ARHGAP28: variants seen among roughly 807,000 people sequenced by gnomAD.
ARHGAP28 encodes Rho GTPase activating protein 28.
Under a neutral mutation model 90.7 loss-of-function variants are expected in ARHGAP28, and 56 were observed. The observed-to-expected ratio is 0.62, with a 90% CI of 0.50 to 0.77. The LOEUF (loss-of-function observed/expected upper bound fraction) is 0.77. Among genes scored for constraint, ARHGAP28 ranks in the 30% least tolerant of loss-of-function variants. The pLI, the probability that ARHGAP28 is intolerant of heterozygous loss-of-function variation, is 0.00. For synonymous variants in ARHGAP28, 308 were observed against 323.3 expected, an observed-to-expected ratio of 0.95 and a Z score of 0.51; for missense variants, 869 against 900.9, an observed-to-expected ratio of 0.96 and a Z score of 0.45.
chr18:6,731,291 CGTGT>C (rs60399521), intron 1 of ARHGAP28, among the ~76,000 whole-genome samples: 1,720 of 149,564 alleles, frequency 0.012, 46 homozygotes, highest in African/African-American at 0.04. Flanking sequence ...TATATGTGTG[CGTGT>C]GTGTGTGTGT....
chr18:6,887,299 C>T (rs1391357452), intron 12 of ARHGAP28, 60 bp downstream of exon 12: 30 of 1,508,748 alleles, frequency 2.0e-5, no homozygotes, highest in African/African-American at 2.7e-5. Context: ...GGACATGGCT[C>T]ATATAGGAAA....
chr18:6,879,876 A>G (rs541984956), intron 10 of ARHGAP28, among the ~76,000 whole-genome samples: 12 of 152,306 alleles, frequency 7.9e-5, no homozygotes, highest in Middle Eastern at 6.8e-3. Flanking sequence ...ACCATAACCT[A>G]GTCAGTTGCT....
At chr18:6,813,136 A>G (rs986170401) in intron 1 of ARHGAP28, among the ~76,000 whole-genome samples, 1 of 152,232 alleles carries the variant, frequency 6.6e-6, no homozygotes, top group Admixed American at 6.5e-5. Flanking sequence ...GTCTCTACCT[A>G]CCACAGGGAA....
chr18:6,906,748 A>T (rs1221436158), intron 16 of ARHGAP28, among the ~76,000 whole-genome samples: 1 of 152,204 alleles, frequency 6.6e-6, no homozygotes. Flanking sequence ...GACATAAAAA[A>T]TGTGACCCAT....
intron 1 of ARHGAP28, among the ~76,000 whole-genome samples, chr18:6,745,661 C>G (rs751552140): frequency 6.6e-6 from 1 of 152,188 alleles, no homozygotes; most frequent in Non-Finnish European, 1.5e-5. Flanking sequence ...CAACCCGTTT[C>G]TGACTTCTGT....
At chr18:6,908,573 A>G (rs1416370119) in intron 16 of ARHGAP28, among the ~76,000 whole-genome samples, 1 of 152,194 alleles carries the variant, frequency 6.6e-6, no homozygotes. Flanking sequence ...CAGAAATAAA[A>G]CCTGACTTCT....
At chr18:6,906,558 G>A (rs753905493) in intron 16 of ARHGAP28, among the ~76,000 whole-genome samples, 93 of 152,138 alleles carry the variant, frequency 6.1e-4, no homozygotes, top group Non-Finnish European at 6.6e-4. Context: ...TGGTGTTGTA[G>A]CAATGGACAT....
intron 1 of ARHGAP28, among the ~76,000 whole-genome samples, chr18:6,805,396 G>T (rs1188921909): frequency 6.7e-6 from 1 of 149,218 alleles, no homozygotes; most frequent in Non-Finnish European, 1.5e-5. Context: ...GCATGGCATG[G>T]TTTTTTTATC....
At chr18:6,849,710 C>T (rs1366990082) in intron 3 of ARHGAP28, among the ~76,000 whole-genome samples, 1 of 152,116 alleles carries the variant, frequency 6.6e-6, no homozygotes, top group African/African-American at 2.4e-5. Flanking sequence ...AAGTCTGATG[C>T]CTCCCTAAAA....
intron 1 of ARHGAP28, among the ~76,000 whole-genome samples, chr18:6,771,669 G>A (rs2056244133): frequency 6.6e-6 from 1 of 152,202 alleles, no homozygotes; most frequent in Admixed American, 6.5e-5. Flanking sequence ...ACCTGAACTG[G>A]ATTCAAGCAA....
intron 1 of ARHGAP28, among the ~76,000 whole-genome samples, chr18:6,747,918 G>C (rs958800645): frequency 6.6e-6 from 1 of 152,184 alleles, no homozygotes; most frequent in South Asian, 2.1e-4. Context: ...TGCACCAAAG[G>C]CACATGGGGT....
At chr18:6,829,057 T>G (rs1158035920) in intron 2 of ARHGAP28, among the ~76,000 whole-genome samples, 1 of 152,196 alleles carries the variant, frequency 6.6e-6, no homozygotes, top group Admixed American at 6.5e-5. Flanking sequence ...TGATATTATT[T>G]GAAATAAAAC....
intron 1 of ARHGAP28, among the ~76,000 whole-genome samples, chr18:6,775,671 A>G (rs954420057): frequency 2.6e-5 from 4 of 152,206 alleles, no homozygotes; most frequent in Non-Finnish European, 5.9e-5. Context: ...ATGATTACTA[A>G]ATAGGGAGAC....
intron 1 of ARHGAP28, among the ~76,000 whole-genome samples, chr18:6,820,433 A>C (rs1011111589): frequency 1.3e-5 from 2 of 152,178 alleles, no homozygotes; most frequent in Non-Finnish European, 2.9e-5. Flanking sequence ...AACATCAAAC[A>C]GCCTGACAGT....
At chr18:6,799,368 C>G (rs1002436692) in intron 1 of ARHGAP28, among the ~76,000 whole-genome samples, 1 of 152,124 alleles carries the variant, frequency 6.6e-6, no homozygotes, top group Non-Finnish European at 1.5e-5. Flanking sequence ...ACTTTCTTCA[C>G]AGAATTAGGA....
At chr18:6,742,401 C>T (rs778385764) in intron 1 of ARHGAP28, among the ~76,000 whole-genome samples, 2 of 152,006 alleles carry the variant, frequency 1.3e-5, no homozygotes, top group African/African-American at 2.4e-5. Flanking sequence ...AACTGCTGAC[C>T]TCAGGTGATC....
intron 5 of ARHGAP28, among the ~76,000 whole-genome samples, chr18:6,865,297 C>T (rs1436190835): frequency 6.6e-5 from 10 of 152,160 alleles, no homozygotes; most frequent in Non-Finnish European, 8.8e-5. Context: ...TGTTTTAATT[C>T]AAGACATCAT....
At chr18:6,750,824 A>G (rs1195423413) in intron 1 of ARHGAP28, among the ~76,000 whole-genome samples, 1 of 152,212 alleles carries the variant, frequency 6.6e-6, no homozygotes, top group Non-Finnish European at 1.5e-5. Context: ...ACTTTTCATC[A>G]CATAAAATTT....
intron 1 of ARHGAP28, among the ~76,000 whole-genome samples, chr18:6,760,809 A>G (rs978038166): frequency 1.3e-5 from 2 of 152,206 alleles, no homozygotes; most frequent in African/African-American, 4.8e-5. Context: ...AGTCTGGGTC[A>G]GTGACTCAAT....
Sources: allele counts gnomAD v4.1 joint callset (sites outside exome capture counted in the v4.1 genomes callset), GRCh38; gene constraint gnomAD v4.1.1; transcripts MANE v1.5; gene names NCBI Gene and HGNC (gene_info 2026-07-23, HGNC 2026-07-21).